CLIC4: variants seen among roughly 807,000 people sequenced by gnomAD.
CLIC4 encodes the protein chloride intracellular channel protein 4.
CLIC4 carries 13 observed loss-of-function variants against 24.6 expected under a neutral mutation model. That is an observed-to-expected ratio of 0.53 (90% CI 0.34 to 0.84). CLIC4 has a LOEUF of 0.84. Ranked by LOEUF, CLIC4 falls within the 40% of genes least tolerant of loss-of-function variation. The pLI is 0.01. For synonymous variants in CLIC4, 104 were observed against 111.3 expected (o/e 0.93, Z 0.41); for missense variants, 227 against 301.7 (o/e 0.75, Z 1.83).
At chr1:24,762,811 C>G (rs1638944851) in intron 1 of CLIC4, among the ~76,000 whole-genome samples, 1 of 152,058 alleles carries the variant, frequency 6.6e-6, no homozygotes, top group South Asian at 2.1e-4. Flanking sequence ...AAAGCCAACT[C>G]TAACAAGAAA....
At chr1:24,778,019 A>G (rs1571238910) in intron 1 of CLIC4, 1 of 152,224 alleles carries the variant, frequency 6.6e-6, no homozygotes, top group Non-Finnish European at 1.5e-5. Flanking sequence ...AAAATTTAAT[A>G]TAACATTTGT....
intron 2 of CLIC4, among the ~76,000 whole-genome samples, chr1:24,811,350 G>C (rs757296126): frequency 3.9e-5 from 6 of 152,156 alleles, no homozygotes; most frequent in Non-Finnish European, 5.9e-5. Flanking sequence ...GAATGAGAGT[G>C]AAAAAGGCAA....
Position 24,843,648 on chromosome 1 carries a change from T to G in CLIC4, c.*2711T>G, listed in dbSNP as rs1042998132. 2.0e-5 allele frequency: 3 copies of G among 152,280 alleles called. No homozygotes were observed. The highest frequency in any genetic ancestry group is 7.2e-5 in the African/African-American group (3 of 41,458). The allele number at this position is 152,280 out of a possible 1,614,324, so 9.4% of individuals were successfully genotyped here. A position where few individuals can be genotyped will look rare whatever the true frequency, so the allele number is the denominator to read the frequency against. ...GTAAACTTTTGTGATAAAATTCAAATAAGATTTTATTTCTTGGTAATTTTG... is the reference window on the plus strand; with the variant it reads ...GTAAACTTTTGTGATAAAATTCAAAGAAGATTTTATTTCTTGGTAATTTTG... On this transcript the variant is annotated 3_prime_UTR_variant, in exon 6 of 6. Coordinates refer to ENST00000374379, the MANE Select transcript of CLIC4 (RefSeq NM_013943.3).
chr1:24,821,141 T>A (rs1639726632), intron 3 of CLIC4, among the ~76,000 whole-genome samples: 1 of 151,434 alleles, frequency 6.6e-6, no homozygotes, highest in African/African-American at 2.4e-5. Context: ...GCTGAGATCA[T>A]GCCACTGCAT....
At chr1:24,765,338 C>CT (rs1223780816) in intron 1 of CLIC4, among the ~76,000 whole-genome samples, 2 of 152,064 alleles carry the variant, frequency 1.3e-5, no homozygotes, top group African/African-American at 4.8e-5. Context: ...TATATAGAAG[C>CT]TTTTATTTTT....
intron 3 of CLIC4, among the ~76,000 whole-genome samples, chr1:24,818,506 C>T (rs1639694144): frequency 1.3e-5 from 2 of 152,016 alleles, no homozygotes; most frequent in Non-Finnish European, 2.9e-5. Context: ...AGGCTTGTCT[C>T]GAAATCCTGA....
chr1:24,822,724 A>C (rs1204839503), intron 3 of CLIC4, among the ~76,000 whole-genome samples: 1 of 152,166 alleles, frequency 6.6e-6, no homozygotes, highest in Non-Finnish European at 1.5e-5. Context: ...TTGAAACAGC[A>C]TGTTTGAAGT....
At chr1:24,746,159 TAAAC>T (rs1001107206) in intron 1 of CLIC4, among the ~76,000 whole-genome samples, 5 of 152,362 alleles carry the variant, frequency 3.3e-5, no homozygotes. Context: ...GATGCAATCT[TAAAC>T]AAATTTACCA....
intron 1 of CLIC4, among the ~76,000 whole-genome samples, chr1:24,746,465 C>G (rs538761274): frequency 1.4e-4 from 22 of 152,342 alleles, no homozygotes; most frequent in African/African-American, 4.6e-4. Flanking sequence ...TACTACCCCT[C>G]TTCCTTTGCT....
chr1:24,751,572 T>C (rs1347040279), intron 1 of CLIC4, among the ~76,000 whole-genome samples: 1 of 152,200 alleles, frequency 6.6e-6, no homozygotes, highest in East Asian at 1.9e-4. Flanking sequence ...CTTGGCTATG[T>C]CCAGAATTTG....
intron 1 of CLIC4, among the ~76,000 whole-genome samples, chr1:24,757,106 G>T (rs1308359378): frequency 6.6e-6 from 1 of 152,092 alleles, no homozygotes; most frequent in Non-Finnish European, 1.5e-5. Context: ...TGTTGGTCAA[G>T]CTAGTCTGTA....
In CLIC4 at chr1:24,810,230, T is replaced by TTA. The variant is rs534363112; in HGVS notation, c.183-3862_183-3861dup. ...CCCTGGTTATCTCTAAAATATCTTT[T>TTA]TATTTTTGGTTGGTTTGTTCAAATC... On this transcript the variant is annotated intron_variant, in intron 2 of 5. Transcript: ENST00000374379. Among the ~76,000 whole-genome samples the TTA allele has an allele frequency of 7.5e-4, 114 of 152,366 alleles. No homozygotes were observed. The East Asian group carries it at 0.01, about 14-fold the overall frequency.
intron 1 of CLIC4, among the ~76,000 whole-genome samples, chr1:24,792,088 A>G (rs1460213167): frequency 6.6e-6 from 1 of 150,948 alleles, no homozygotes; most frequent in Admixed American, 6.6e-5. Context: ...GAATTTTTCC[A>G]CAGTTTTACT....
chr1:24,795,208 C>T (rs1639384036), intron 1 of CLIC4, among the ~76,000 whole-genome samples: 2 of 152,096 alleles, frequency 1.3e-5, no homozygotes, highest in South Asian at 4.1e-4. Context: ...ATAGCAACAA[C>T]CACCTTGGGG....
At chr1:24,767,165 G>A (rs80047532) in intron 1 of CLIC4, among the ~76,000 whole-genome samples, 2,915 of 152,162 alleles carry the variant, frequency 0.019, 83 homozygotes, top group African/African-American at 0.067. Context: ...CCTCAGGTTG[G>A]ACAAGCTTGA....
In CLIC4 at chr1:24,840,820, T is replaced by C. The variant is rs771576773; in HGVS notation, c.645T>C (p.Thr215=). ...ACTTTGATATTCCAAAAGAAATGAC[T>C]GGCATCTGGAGATACCTAACTAATG... ...YRNFDIPKEM[T]GIWRYLTNAY... The change falls in exon 6 of 6, where the codon ACT becomes ACC. Residue 215 remains threonine, a synonymous_variant. Coordinates refer to ENST00000374379, the MANE Select transcript of CLIC4 (RefSeq NM_013943.3). 9.9e-6 allele frequency: 16 copies of C among 1,609,922 alleles called. No homozygotes were observed. The African/African-American group carries it at 2.1e-4, about 22-fold the overall frequency.
intron 2 of CLIC4, among the ~76,000 whole-genome samples, chr1:24,802,711 CTTTTTTT>C (rs535381018): frequency 7.3e-6 from 1 of 136,920 alleles, no homozygotes; most frequent in African/African-American, 2.7e-5. Flanking sequence ...TTTTCTTTTT[CTTTTTTT>C]TTTTTTTTTG....
chr1:24,790,876 A>T (rs1639326377), intron 1 of CLIC4, among the ~76,000 whole-genome samples: 1 of 152,204 alleles, frequency 6.6e-6, no homozygotes, highest in African/African-American at 2.4e-5. Flanking sequence ...TTCAAGGAAT[A>T]AAGTAGTATG....
intron 1 of CLIC4, among the ~76,000 whole-genome samples, chr1:24,775,733 C>A (rs1639131192): frequency 6.6e-6 from 1 of 151,112 alleles, no homozygotes; most frequent in Non-Finnish European, 1.5e-5. Flanking sequence ...GCATATTTTT[C>A]TTTCGTTATT....
Sources: gnomAD v4.1 joint callset for allele counts (sites outside exome capture counted in the v4.1 genomes callset) on GRCh38, gnomAD v4.1.1 for gene constraint, MANE v1.5 for transcripts, NCBI Gene and HGNC (gene_info 2026-07-23, HGNC 2026-07-21) for gene names.